IARS1: variants seen among roughly 807,000 people sequenced by gnomAD.
IARS1 encodes isoleucyl-tRNA synthetase 1, also known as isoleucine--tRNA ligase, cytoplasmic.
A neutral mutation model predicts 168.2 loss-of-function variants in IARS1; 124 were observed. The observed-to-expected ratio is 0.74, with a 90% CI of 0.64 to 0.86. The LOEUF (loss-of-function observed/expected upper bound fraction) is 0.86. Among genes scored for constraint, IARS1 ranks in the 40% least tolerant of loss-of-function variants. The probability of loss-of-function intolerance (pLI) is 0.00; values close to 1 mark genes in which losing one functional copy is unlikely to be tolerated. For missense variants in IARS1, 1,452 were observed against 1,515.8 expected (o/e 0.96, Z 0.70); for synonymous variants, 532 against 529.4 (o/e 1.00, Z -0.07).
At chr9:92,240,710 T>C (rs1281246247) in intron 30 of IARS1, 146 bp downstream of exon 30, 1 of 719,464 alleles carries the variant, frequency 1.4e-6, no homozygotes, top group Non-Finnish European at 2.6e-6. Flanking sequence ...TTCATTTTGA[T>C]GACAAGAAGA....
rs2133470643 is a variant in IARS1 at position 92,229,086 on chromosome 9, C to A, written c.3324G>T (p.Arg1108Ser). Reference protein sequence around the residue: ...LLLENPKGDNRLDLLKLKSVV... With the variant: ...LLLENPKGDNSLDLLKLKSVV... The stretch of plus-strand genomic sequence containing the variant: ...CACTCTTCAGCTTTAAAAGGTCCAA[C>A]CTATTGTCACCTTTTGGATTTTCCA... Residue 1108 changes from arginine (R) to serine (S), a missense_variant, in exon 31 of 34, where the codon AGG becomes AGT. Transcript: ENST00000443024. 2 of 1,613,942 alleles carry A rather than the reference C, an allele frequency of 1.2e-6. No individual in the cohort carries two copies. The highest frequency in any genetic ancestry group is 4.5e-5 in the East Asian group (2 of 44,882).
rs1274176980 is a variant in IARS1 at position 92,227,578 on chromosome 9, ACGGGGCGGC to A, written c.3409+1414_3409+1422del. 3.2e-4 allele frequency among the ~76,000 whole-genome samples: 46 copies of A among 143,770 alleles called. 1 individual carries two copies. In the Admixed American group the frequency reaches 3.8e-3, roughly 12 times the overall value. 94.3% of individuals were successfully genotyped at this position (143,770 alleles called of 152,430 possible). ...GGCGGAGGGGCTCCTCACTTCTCAG[ACGGGGCGGC>A]TGCCGGGCGGAGGGGCTCCTCACTT... On this transcript the variant is annotated intron_variant, in intron 31 of 33. Transcript: ENST00000443024.
In IARS1 at chr9:92,253,431, C is replaced by A. The variant is rs776261616; in HGVS notation, c.2160G>T (p.Val720=). The A allele has an allele frequency of 1.9e-6, 3 of 1,613,316 alleles. No individual in the cohort carries two copies. Among genetic ancestry groups the A allele is most frequent in the Non-Finnish European group, 2.5e-6 (3 of 1,179,294 alleles). The part of the protein sequence containing the change: ...EMAAYRLYTV[V]PRLVKFVDIL... ...TATCTACAAACTTGACCAGGCGAGG[C>A]ACCACAGTATAAAGCCTATAAGCTA... Residue 720 remains valine (V), a synonymous_variant, in exon 21 of 34, where the codon GTG becomes GTT. Coordinates refer to ENST00000443024, the MANE Select transcript of IARS1 (RefSeq NM_002161.6).
At chr9:92,224,915 T>C (rs1355225555) in intron 31 of IARS1, among the ~76,000 whole-genome samples, 3 of 152,128 alleles carry the variant, frequency 2.0e-5, no homozygotes, top group Non-Finnish European at 4.4e-5. Flanking sequence ...CCTTGCCCAA[T>C]GGATTGATGA....
At chr9:92,219,681 T>C (rs1312184184) in intron 33 of IARS1, among the ~76,000 whole-genome samples, 2 of 147,302 alleles carry the variant, frequency 1.4e-5, no homozygotes, top group Non-Finnish European at 3.0e-5. Context: ...TCATCATCAC[T>C]GGCCATCAGA....
rs185406558 is a variant in IARS1 at position 92,214,779 on chromosome 9, G to A, written c.3707-3890C>T. Among the ~76,000 whole-genome samples, 314 of 152,316 alleles carry A rather than the reference G, an allele frequency of 2.1e-3. 3 individuals carry two copies. The highest frequency in any genetic ancestry group is 7.1e-3 in the African/African-American group (297 of 41,582). Reference sequence around the variant, plus strand: ...CTAGCTCGGAGGGTCCTACGCCCACGGAGTCTCGCTGATTGCTAGCATAGC... The same window carrying A: ...CTAGCTCGGAGGGTCCTACGCCCACAGAGTCTCGCTGATTGCTAGCATAGC... On this transcript the variant is annotated intron_variant, in intron 33 of 33. Coordinates refer to ENST00000443024, the MANE Select transcript of IARS1 (RefSeq NM_002161.6).
intron 31 of IARS1, among the ~76,000 whole-genome samples, chr9:92,228,002 T>C (rs910651158): frequency 1.3e-5 from 2 of 151,868 alleles, no homozygotes; most frequent in African/African-American, 4.8e-5. Flanking sequence ...AGATGGAGGT[T>C]GTAGCGAGCT....
chr9:92,251,274 G>A (rs757731255), intron 22 of IARS1: 77 of 421,916 alleles, frequency 1.8e-4, no homozygotes, highest in Non-Finnish European at 3.1e-4. Flanking sequence ...GAATAAATAG[G>A]AGCCTTATAA....
intron 31 of IARS1, among the ~76,000 whole-genome samples, chr9:92,226,359 G>A (rs546854290): frequency 2.6e-5 from 4 of 152,272 alleles, no homozygotes; most frequent in African/African-American, 9.6e-5. Context: ...CAATCTGGTG[G>A]CAGTTAATAG....
intron 31 of IARS1, among the ~76,000 whole-genome samples, chr9:92,226,020 T>C (rs957119153): frequency 6.6e-6 from 1 of 152,204 alleles, no homozygotes; most frequent in Non-Finnish European, 1.5e-5. Context: ...TGAGGTCAGA[T>C]AGATGTGCAC....
intron 33 of IARS1, among the ~76,000 whole-genome samples, chr9:92,216,422 A>G (rs1261446675): frequency 6.8e-6 from 1 of 147,274 alleles, no homozygotes; most frequent in African/African-American, 2.5e-5. Flanking sequence ...ACACATAACA[A>G]TATTAACTTT....
intron 17 of IARS1, among the ~76,000 whole-genome samples, chr9:92,262,488 G>A (rs1831666510): frequency 6.6e-6 from 1 of 152,084 alleles, no homozygotes; most frequent in African/African-American, 2.4e-5. Context: ...AGCAAAATGT[G>A]GGAAATAATG....
chr9:92,253,310 A>G (rs1327143683), intron 21 of IARS1, 52 bp downstream of exon 21: 22 of 1,107,506 alleles, frequency 2.0e-5, no homozygotes, highest in Non-Finnish European at 2.8e-5. Context: ...TATTTCTTCT[A>G]CTTTCAAACT....
intron 9 of IARS1, among the ~76,000 whole-genome samples, chr9:92,276,010 G>A (rs575801760): frequency 1.2e-3 from 179 of 152,308 alleles, no homozygotes; most frequent in Middle Eastern, 3.4e-3. Flanking sequence ...AGGGGGTTGA[G>A]TTTTTGGGTT....
At chr9:92,274,186 C>G (rs1833477767) in intron 10 of IARS1, among the ~76,000 whole-genome samples, 1 of 152,046 alleles carries the variant, frequency 6.6e-6, no homozygotes. Flanking sequence ...TCTCTAGATG[C>G]CTGTCAAAAC....
chr9:92,216,033 T>A (rs867431783), intron 33 of IARS1, among the ~76,000 whole-genome samples: 12 of 151,106 alleles, frequency 7.9e-5, no homozygotes, highest in Admixed American at 2.6e-4. Context: ...AAAGGTCGGG[T>A]TACCCACAAA....
chr9:92,251,759 A>G, intron 22 of IARS1, 49 bp downstream of exon 22: 1 of 1,344,010 alleles, frequency 7.4e-7, no homozygotes, highest in Non-Finnish European at 1.1e-6. Context: ...GTAGGTGCTG[A>G]AGGCAGCCCA....
At chr9:92,229,832 T>C (rs759564827) in intron 30 of IARS1, among the ~76,000 whole-genome samples, 1 of 152,174 alleles carries the variant, frequency 6.6e-6, no homozygotes, top group Non-Finnish European at 1.5e-5. Flanking sequence ...CACTGGGGCA[T>C]GTGTACACGT....
chr9:92,240,774 T>A, intron 30 of IARS1, 82 bp downstream of exon 30: 1 of 784,714 alleles, frequency 1.3e-6, no homozygotes, highest in South Asian at 1.4e-5. Context: ...CTTAAAAACA[T>A]CCATAAGTTT....
Sources: allele counts gnomAD v4.1 joint callset (sites outside exome capture counted in the v4.1 genomes callset), GRCh38; gene constraint gnomAD v4.1.1; transcripts MANE v1.5; gene names NCBI Gene and HGNC (gene_info 2026-07-23, HGNC 2026-07-21).